The following DESI2 variants were observed in gnomAD, a reference collection of about 807,000 sequenced individuals.
DESI2 encodes deubiquitinase DESI2.
Under a neutral mutation model 24.1 loss-of-function variants are expected in DESI2, and 10 were observed. That is an observed-to-expected ratio of 0.41 (90% confidence interval 0.26 to 0.70). The LOEUF is 0.70. Ranked by LOEUF, DESI2 falls within the 30% of genes least tolerant of loss-of-function variation. The pLI is 0.29. For synonymous variants in DESI2, 71 were observed against 87.7 expected, an observed-to-expected ratio of 0.81 and a Z score of 1.06; for missense variants, 122 against 234.9, an observed-to-expected ratio of 0.52 and a Z score of 3.14.
At chr1:244,667,269 C>G (rs1451604665) in intron 1 of DESI2, among the ~76,000 whole-genome samples, 1 of 152,130 alleles carries the variant, frequency 6.6e-6, no homozygotes, top group Non-Finnish European at 1.5e-5. Context: ...AGCAAGCTAG[C>G]TACTTCCTAG....
intron 1 of DESI2, among the ~76,000 whole-genome samples, chr1:244,654,835 G>A (rs1444441936): frequency 6.6e-6 from 1 of 152,036 alleles, no homozygotes; most frequent in Non-Finnish European, 1.5e-5. Context: ...TATTCATGAG[G>A]GCTATTACTG....
intron 1 of DESI2, among the ~76,000 whole-genome samples, chr1:244,668,270 A>AG (rs1311174643): frequency 1.3e-5 from 2 of 152,154 alleles, no homozygotes; most frequent in Non-Finnish European, 2.9e-5. Flanking sequence ...CATACAATTT[A>AG]GGGGGGTCTT....
chr1:244,673,034 C>T (rs1237838516), intron 1 of DESI2, among the ~76,000 whole-genome samples: 1 of 152,206 alleles, frequency 6.6e-6, no homozygotes. Flanking sequence ...GTTTTTTTTA[C>T]AGTTATCTCA....
chr1:244,701,664 C>G (rs1022227942), intron 4 of DESI2, among the ~76,000 whole-genome samples: 3 of 152,144 alleles, frequency 2.0e-5, no homozygotes, highest in African/African-American at 7.2e-5. Flanking sequence ...CCTTTTGGAA[C>G]GGGAATGTCT....
chr1:244,705,886 A>C lies in DESI2; in HGVS notation c.*97A>C. The C allele has an allele frequency of 1.2e-6, 1 of 853,474 alleles. No individual in the cohort carries two copies. Among genetic ancestry groups the C allele is most frequent in the Non-Finnish European group, 1.8e-6 (1 of 560,070 alleles). 52.9% of individuals were successfully genotyped at this position (853,474 alleles called of 1,614,324 possible). Reference sequence around the variant, plus strand: ...GCATCCTTTAGATATTTTGTATGCAAAGATGGCTCTCCCCCAAATCCCAGT... The same window carrying C: ...GCATCCTTTAGATATTTTGTATGCACAGATGGCTCTCCCCCAAATCCCAGT... On this transcript the variant is annotated 3_prime_UTR_variant, in exon 5 of 5. Transcript: ENST00000302550.
chr1:244,679,269 G>GA (rs988331616), intron 1 of DESI2, among the ~76,000 whole-genome samples: 1 of 152,070 alleles, frequency 6.6e-6, no homozygotes, highest in Non-Finnish European at 1.5e-5. Context: ...CTTTTTCTGT[G>GA]AAAAGGGGGA....
At position 244,707,251 on chromosome 1, in the gene DESI2, A is replaced by G. The variant is rs1243701472; in HGVS notation, c.*1462A>G. 1 of 152,634 alleles carries G rather than the reference A, an allele frequency of 6.6e-6. No homozygotes were observed. The highest frequency in any genetic ancestry group is 6.5e-5 in the Admixed American group (1 of 15,280). The allele number at this position is 152,634 out of a possible 1,614,324, so 9.5% of individuals were successfully genotyped here. A position where few individuals can be genotyped will look rare whatever the true frequency, so the allele number is the denominator to read the frequency against. ...TCTGTGTGAGGATACATAATCTTTC[A>G]GTAAACTGTATTTTTAACTTTTCCA... On this transcript the variant is annotated 3_prime_UTR_variant, in exon 5 of 5. Coordinates refer to ENST00000302550, the MANE Select transcript of DESI2 (RefSeq NM_016076.5).
chr1:244,705,514 T>C, intron 4 of DESI2, 42 bp from the exon 5 acceptor site: 2 of 1,558,284 alleles, frequency 1.3e-6, no homozygotes, highest in Admixed American at 1.7e-5. Flanking sequence ...CCAGGTAATC[T>C]TAACCTCTCT....
chr1:244,679,559 T>C (rs968208658), intron 1 of DESI2, among the ~76,000 whole-genome samples: 4 of 152,166 alleles, frequency 2.6e-5, no homozygotes, highest in African/African-American at 7.2e-5. Context: ...CTAAATACTT[T>C]AGTATGTATT....
intron 4 of DESI2, among the ~76,000 whole-genome samples, chr1:244,699,995 C>G (rs1167879681): frequency 6.6e-6 from 1 of 152,208 alleles, no homozygotes; most frequent in East Asian, 1.9e-4. Flanking sequence ...AGGCTGATAA[C>G]CTGATGTCAT....
chr1:244,686,924 T>C (rs1278791506), intron 2 of DESI2, among the ~76,000 whole-genome samples: 1 of 152,224 alleles, frequency 6.6e-6, no homozygotes, highest in Non-Finnish European at 1.5e-5. Flanking sequence ...CTAAATACTA[T>C]GTTTTAAAAA....
At chr1:244,705,064 G>A (rs1430269424) in intron 4 of DESI2, among the ~76,000 whole-genome samples, 20 of 152,308 alleles carry the variant, frequency 1.3e-4, no homozygotes, top group Admixed American at 1.2e-3. Flanking sequence ...GGGGTAAAAT[G>A]TAGACCAGGA....
In DESI2 at chr1:244,705,696, G is replaced by C; in HGVS notation, c.492G>C (p.Gln164His). 1 of 1,614,136 alleles carries C rather than the reference G, an allele frequency of 6.2e-7. No homozygotes were observed. The highest frequency in any genetic ancestry group is 8.5e-7 in the Non-Finnish European group (1 of 1,180,040). The change falls in exon 5 of 5, where the codon CAG becomes CAC. Residue 164 changes from glutamine (Q) to histidine (H), a missense_variant. Coordinates refer to ENST00000302550, the MANE Select transcript of DESI2 (RefSeq NM_016076.5). ...AGTCTAGTGTCAGCCAAGAACTCCAGGATGAACTGGAGGAAGCAGAGGATG... is the reference window on the plus strand; with the variant it reads ...AGTCTAGTGTCAGCCAAGAACTCCACGATGAACTGGAGGAAGCAGAGGATG... Reference protein sequence around the residue: ...ALQSSVSQELQDELEEAEDAA... With the variant: ...ALQSSVSQELHDELEEAEDAA...
intron 1 of DESI2, among the ~76,000 whole-genome samples, chr1:244,675,140 A>T (rs2148794677): frequency 6.6e-6 from 1 of 152,114 alleles, no homozygotes; most frequent in East Asian, 1.9e-4. Flanking sequence ...CCCATTTTTT[A>T]GTAGGGTTAT....
chr1:244,660,962 T>G (rs983887602), intron 1 of DESI2, among the ~76,000 whole-genome samples: 12 of 152,350 alleles, frequency 7.9e-5, no homozygotes, highest in Non-Finnish European at 1.5e-4. Context: ...CTTCATTTCC[T>G]TTTCTAGGAG....
intron 4 of DESI2, among the ~76,000 whole-genome samples, chr1:244,704,880 G>A (rs757245344): frequency 3.3e-5 from 5 of 152,084 alleles, no homozygotes; most frequent in African/African-American, 4.8e-5. Context: ...GGCTGGTCTC[G>A]AACTCCTGAC....
intron 1 of DESI2, among the ~76,000 whole-genome samples, chr1:244,665,307 A>AC (rs1411963663): frequency 2.0e-5 from 3 of 152,128 alleles, no homozygotes; most frequent in African/African-American, 7.2e-5. Context: ...ACAGTCTTGA[A>AC]CAAGAGCTCT....
At chr1:244,669,386 G>C (rs1215825505) in intron 1 of DESI2, among the ~76,000 whole-genome samples, 3 of 151,688 alleles carry the variant, frequency 2.0e-5, no homozygotes. Flanking sequence ...CTTAAAAAAA[G>C]AAACTAGACT....
At chr1:244,676,508 A>G (rs974511166) in intron 1 of DESI2, among the ~76,000 whole-genome samples, 3 of 151,918 alleles carry the variant, frequency 2.0e-5, no homozygotes, top group Non-Finnish European at 4.4e-5. Flanking sequence ...AAATGAGATA[A>G]TTTTACTTCT....
Sources: gnomAD v4.1 joint callset for allele counts (sites outside exome capture counted in the v4.1 genomes callset) on GRCh38, gnomAD v4.1.1 for gene constraint, MANE v1.5 for transcripts, NCBI Gene and HGNC (gene_info 2026-07-23, HGNC 2026-07-21) for gene names.